Variants in GRIN2B observed in about 807,000 individuals in gnomAD.
The protein encoded by GRIN2B is glutamate receptor ionotropic, NMDA 2B.
A neutral mutation model predicts 114.5 loss-of-function variants in GRIN2B; 5 were observed. That is an observed-to-expected ratio of 0.04 (90% CI 0.02 to 0.09). GRIN2B has a LOEUF of 0.09. GRIN2B is among the 10% of genes least tolerant of loss of function. The probability of loss-of-function intolerance (pLI) is 1.00; values close to 1 mark genes in which losing one functional copy is unlikely to be tolerated. For missense variants in GRIN2B, 1,108 were observed against 1,943.5 expected (o/e 0.57, Z 8.08); for synonymous variants, 787 against 745.1 (o/e 1.06, Z -0.92).
intron 4 of GRIN2B, among the ~76,000 whole-genome samples, chr12:13,678,405 C>A (rs2193150): frequency 0.75 from 114,346 of 151,956 alleles, 43,805 homozygotes; most frequent in Middle Eastern, 0.86. Flanking sequence ...CCAGTATGAC[C>A]GTTACACAGC....
intron 3 of GRIN2B, among the ~76,000 whole-genome samples, chr12:13,784,079 C>T (rs1336867847): frequency 6.6e-6 from 1 of 151,792 alleles, no homozygotes; most frequent in Non-Finnish European, 1.5e-5. Flanking sequence ...AAAAAATTAG[C>T]CGGGCATGGT....
intron 5 of GRIN2B, among the ~76,000 whole-genome samples, chr12:13,645,814 C>T (rs983648931): frequency 3.9e-5 from 6 of 152,012 alleles, no homozygotes; most frequent in Non-Finnish European, 8.8e-5. Flanking sequence ...TCACTGATTT[C>T]TCTGATTCAC....
At chr12:13,733,931 G>T (rs1307011386) in intron 4 of GRIN2B, among the ~76,000 whole-genome samples, 1 of 152,192 alleles carries the variant, frequency 6.6e-6, no homozygotes, top group Admixed American at 6.5e-5. Context: ...AAAATGACTT[G>T]CCTGCCTAAG....
chr12:13,692,760 C>CTTTCTTTTTTTTTTTTTTTTTTTTTTTT lies in GRIN2B; in HGVS notation c.1011-16902_1011-16901insAAAAAAAAAAAAAAAAAAAAAAAAGAAA, dbSNP rs1427827056. Among the ~76,000 whole-genome samples the CTTTCTTTTTTTTTTTTTTTTTTTTTTTT allele has an allele frequency of 1.1e-3, 55 of 52,092 alleles. 6 individuals carry two copies. The highest frequency in any genetic ancestry group is 1.3e-3 in the Non-Finnish European group (36 of 27,520). 34.2% of individuals were successfully genotyped at this position (52,092 alleles called of 152,430 possible). A position where few individuals can be genotyped will look rare whatever the true frequency, so the allele number is the denominator to read the frequency against. ...ACTTATTTTCATTAATCTTTCTTTT[C>CTTTCTTTTTTTTTTTTTTTTTTTTTTTT]TTTTTTTTTTTTTTTTTTTTTTTTT... On this transcript the variant is annotated intron_variant, in intron 4 of 13. Coordinates refer to ENST00000609686, the MANE Select transcript of GRIN2B (RefSeq NM_000834.5).
rs1437416307 is a variant in GRIN2B, at chr12:13,803,080, A to G, written c.412-49165T>C. 3.9e-5 allele frequency among the ~76,000 whole-genome samples: 6 copies of G among 152,132 alleles called. No homozygotes were observed. The East Asian group carries it at 1.2e-3, about 29-fold the overall frequency. On this transcript the variant is annotated intron_variant, in intron 3 of 13. Coordinates refer to ENST00000609686, the MANE Select transcript of GRIN2B (RefSeq NM_000834.5). ...TCCACTTCCACTTAATGAATAGTAA[A>G]TGTATTTTCTCTTCCTTATAATTTT...
rs74538550 is a variant in GRIN2B, at chr12:13,560,065, C to A, written c.*2718G>T. The A allele has an allele frequency of 0.029, 4,428 of 152,248 alleles. 87 individuals carry two copies. The highest frequency in any genetic ancestry group is 0.044 in the Non-Finnish European group (2,984 of 68,016). 9.4% of individuals were successfully genotyped at this position (152,248 alleles called of 1,614,324 possible). A position where few individuals can be genotyped will look rare whatever the true frequency, so the allele number is the denominator to read the frequency against. On this transcript the variant is annotated 3_prime_UTR_variant, in exon 14 of 14. Transcript: ENST00000609686. ...GTCTACCTAGAAGATAGGAGTCAGA[C>A]CTGGGGTTTGCTTAGAGCCAAATTG...
chr12:13,676,640 A>C (rs1324699622), intron 4 of GRIN2B, among the ~76,000 whole-genome samples: 1 of 152,124 alleles, frequency 6.6e-6, no homozygotes, highest in Non-Finnish European at 1.5e-5. Context: ...TGAAAGTAGG[A>C]GTGTACCAAG....
chr12:13,711,532 GA>G (rs1293086163), intron 4 of GRIN2B, among the ~76,000 whole-genome samples: 1 of 151,860 alleles, frequency 6.6e-6, no homozygotes, highest in Non-Finnish European at 1.5e-5. Context: ...AAATTTATAA[GA>G]AAAAAACAAA....
chr12:13,675,590 A>C (rs543422149), intron 5 of GRIN2B, among the ~76,000 whole-genome samples, 155 bp downstream of exon 5: 2 of 152,336 alleles, frequency 1.3e-5, no homozygotes, highest in South Asian at 4.1e-4. Context: ...ATGAACATGC[A>C]AGTTTGAGAA....
At chr12:13,794,308 C>T (rs1177265999) in intron 3 of GRIN2B, among the ~76,000 whole-genome samples, 1 of 152,062 alleles carries the variant, frequency 6.6e-6, no homozygotes, top group Non-Finnish European at 1.5e-5. Flanking sequence ...AGAGTAGTTT[C>T]CCCACGTCTA....
chr12:13,859,100 T>G (rs896636823), intron 3 of GRIN2B, among the ~76,000 whole-genome samples: 3 of 152,148 alleles, frequency 2.0e-5, no homozygotes, highest in African/African-American at 7.2e-5. Flanking sequence ...CTTTATAAGC[T>G]GGGTGTTATT....
rs549210373 is a variant in GRIN2B, at chr12:13,895,219, C to G, written c.-18-28993G>C. ...AAAGAACTTGCTCAGGATCACTTGG[C>G]TGGCCAGTGGCAAAGCCGGTCTGAG... On this transcript the variant is annotated intron_variant, in intron 2 of 13. Transcript: ENST00000609686. Among the ~76,000 whole-genome samples, 20 of 152,316 alleles carry G rather than the reference C, an allele frequency of 1.3e-4. No homozygotes were observed. In the South Asian group the frequency reaches 4.1e-3, roughly 32 times the overall value.
At chr12:13,800,536 C>T (rs552601420) in intron 3 of GRIN2B, among the ~76,000 whole-genome samples, 1 of 152,278 alleles carries the variant, frequency 6.6e-6, no homozygotes, top group African/African-American at 2.4e-5. Flanking sequence ...TGGTTATTAA[C>T]CACGGTTTAA....
intron 4 of GRIN2B, among the ~76,000 whole-genome samples, chr12:13,726,865 G>T (rs906610197): frequency 5.3e-5 from 8 of 151,818 alleles, no homozygotes; most frequent in African/African-American, 1.9e-4. Flanking sequence ...TCATTCTTAT[G>T]CCTTTGCATC....
At position 13,616,581 on chromosome 12, in the gene GRIN2B, T is replaced by C. The variant is rs1462167889; in HGVS notation, c.1202A>G (p.Gln401Arg). 6.2e-7 allele frequency: 1 copy of C among 1,613,958 alleles called. No homozygotes were observed. The highest frequency in any genetic ancestry group is 1.1e-5 in the South Asian group (1 of 91,082). The change falls in exon 6 of 14, where the codon CAG (glutamine) becomes CGG (arginine). Residue 401 changes from glutamine (Q) to arginine (R), a missense_variant. Gln to Arg is a conservative substitution (Grantham distance 43, BLOSUM62 1). Coordinates refer to ENST00000609686, the MANE Select transcript of GRIN2B (RefSeq NM_000834.5). The stretch of plus-strand genomic sequence containing the variant: ...CACAATGCTCAGATGGTCATCCTCC[T>C]GCTCTTCAGTCTCTGGACACATTCG... ...WPRMCPETEE[Q>R]EDDHLSIVTL... is the part of the protein sequence containing the mutation.
At chr12:13,574,769 A>C (rs10845807) in intron 10 of GRIN2B, among the ~76,000 whole-genome samples, 4,976 of 152,366 alleles carry the variant, frequency 0.033, 114 homozygotes, top group East Asian at 0.092. Flanking sequence ...TAAAGGGTCT[A>C]GAATAGCCAA....
intron 5 of GRIN2B, among the ~76,000 whole-genome samples, chr12:13,651,427 A>T (rs1422947633): frequency 6.6e-6 from 1 of 152,114 alleles, no homozygotes; most frequent in African/African-American, 2.4e-5. Flanking sequence ...AGAAACAGAG[A>T]TGAGACGGGA....
At chr12:13,571,194 A>C (rs2136414959) in intron 11 of GRIN2B, among the ~76,000 whole-genome samples, 1 of 152,262 alleles carries the variant, frequency 6.6e-6, no homozygotes, top group Middle Eastern at 3.4e-3. Context: ...CAACATCTAT[A>C]ATGCTCTGTT....
chr12:13,961,864 C>T (rs980258199), intron 2 of GRIN2B, among the ~76,000 whole-genome samples: 11 of 152,022 alleles, frequency 7.2e-5, no homozygotes, highest in Non-Finnish European at 1.5e-4. Flanking sequence ...ACGGCTCAGG[C>T]ACATATGAGA....
Sources: gnomAD v4.1 joint callset for allele counts (sites outside exome capture counted in the v4.1 genomes callset) on GRCh38, gnomAD v4.1.1 for gene constraint, MANE v1.5 for transcripts, NCBI Gene and HGNC (gene_info 2026-07-23, HGNC 2026-07-21) for gene names.